The following CCSER1 variants were observed in gnomAD, a reference collection of about 807,000 sequenced individuals.
The protein encoded by CCSER1 is coiled-coil serine rich protein 1.
A neutral mutation model predicts 82.0 loss-of-function variants in CCSER1; 41 were observed. That is an observed-to-expected ratio of 0.50 (90% CI 0.39 to 0.65). The LOEUF is 0.65. Ranked by LOEUF, CCSER1 falls within the 30% of genes least tolerant of loss-of-function variation. The pLI, the probability that CCSER1 is intolerant of heterozygous loss-of-function variation, is 0.00. For missense variants in CCSER1, 1,119 were observed against 1,064.2 expected (o/e 1.05, Z -0.72); for synonymous variants, 414 against 383.9 (o/e 1.08, Z -0.92).
chr4:90,294,844 A>C (rs1731571205), intron 1 of CCSER1, among the ~76,000 whole-genome samples: 1 of 151,972 alleles, frequency 6.6e-6, no homozygotes, highest in Non-Finnish European at 1.5e-5. Flanking sequence ...TACATCCTTC[A>C]AGATTTTTTT....
chr4:90,594,953 G>T (rs776423240), intron 5 of CCSER1, among the ~76,000 whole-genome samples: 5 of 151,812 alleles, frequency 3.3e-5, no homozygotes, highest in Admixed American at 6.6e-5. Context: ...TTTATAAAGT[G>T]CTTATTATAT....
At chr4:90,341,297 A>G (rs901910321) in intron 3 of CCSER1, among the ~76,000 whole-genome samples, 5 of 152,058 alleles carry the variant, frequency 3.3e-5, no homozygotes, top group African/African-American at 1.2e-4. Flanking sequence ...GAGTTTTATT[A>G]TCTTCTTCCT....
chr4:90,221,310 A>T (rs192667866), intron 1 of CCSER1, among the ~76,000 whole-genome samples: 1 of 152,302 alleles, frequency 6.6e-6, no homozygotes, highest in African/African-American at 2.4e-5. Flanking sequence ...AGTATATGAC[A>T]GTTATATATT....
At chr4:91,535,082 A>G (rs993052904) in intron 10 of CCSER1, among the ~76,000 whole-genome samples, 1 of 151,966 alleles carries the variant, frequency 6.6e-6, no homozygotes, top group Non-Finnish European at 1.5e-5. Context: ...AACAATAAAT[A>G]TTTCATAAAA....
chr4:90,635,586 C>T (rs1015501820), intron 6 of CCSER1, among the ~76,000 whole-genome samples: 6 of 151,634 alleles, frequency 4.0e-5, no homozygotes, highest in African/African-American at 1.5e-4. Flanking sequence ...AAATTTGTGA[C>T]TTTAAATGTT....
At chr4:90,387,855 C>T (rs1484700132) in intron 3 of CCSER1, among the ~76,000 whole-genome samples, 1 of 152,136 alleles carries the variant, frequency 6.6e-6, no homozygotes, top group Non-Finnish European at 1.5e-5. Flanking sequence ...TGTACCCTAC[C>T]TCCATAATAA....
chr4:90,727,481 C>T (rs1203171246), intron 7 of CCSER1, among the ~76,000 whole-genome samples: 1 of 152,144 alleles, frequency 6.6e-6, no homozygotes, highest in Non-Finnish European at 1.5e-5. Flanking sequence ...CTATCCTTTT[C>T]TATCTTTTCC....
rs576130786 is a variant in CCSER1 at position 91,245,823 on chromosome 4, AG to A, written c.2217+159830del. On this transcript the variant is annotated intron_variant, in intron 10 of 10. Transcript: ENST00000509176. ...ACGATTCTCCTGCCTCAGCCTCCTG[AG>A]TAGCTGGGATTACAGGCATGTGCCA... 1.8e-3 allele frequency among the ~76,000 whole-genome samples: 270 copies of A among 152,200 alleles called. 1 individual carries two copies. The highest frequency in any genetic ancestry group is 0.017 in the Admixed American group (257 of 15,296).
intron 10 of CCSER1, among the ~76,000 whole-genome samples, chr4:91,421,897 A>G (rs1753702958): frequency 6.6e-6 from 1 of 152,120 alleles, no homozygotes; most frequent in Non-Finnish European, 1.5e-5. Context: ...AAAGGGCTTT[A>G]TATTTCAGCT....
At chr4:91,186,091 C>T (rs750156024) in intron 10 of CCSER1, among the ~76,000 whole-genome samples, 26 of 152,032 alleles carry the variant, frequency 1.7e-4, no homozygotes, top group Admixed American at 1.2e-3. Context: ...GAACTAAGAG[C>T]GATCGCTCGA....
intron 10 of CCSER1, among the ~76,000 whole-genome samples, chr4:91,283,677 G>A (rs2149206450): frequency 6.6e-6 from 1 of 151,936 alleles, no homozygotes; most frequent in African/African-American, 2.4e-5. Context: ...GAACTCATAG[G>A]ACTTATTTGA....
chr4:90,600,087 A>G (rs539190968), intron 5 of CCSER1, among the ~76,000 whole-genome samples: 1 of 152,312 alleles, frequency 6.6e-6, no homozygotes, highest in African/African-American at 2.4e-5. Flanking sequence ...TATTGTATAG[A>G]TAACACACAC....
At chr4:90,965,076 C>G (rs1018525413) in intron 9 of CCSER1, among the ~76,000 whole-genome samples, 9 of 152,082 alleles carry the variant, frequency 5.9e-5, no homozygotes, top group Admixed American at 5.9e-4. Flanking sequence ...CTCCCTAGAA[C>G]AGGGCCATTT....
chr4:90,590,244 A>G (rs972889855), intron 5 of CCSER1, among the ~76,000 whole-genome samples: 2 of 152,150 alleles, frequency 1.3e-5, no homozygotes, highest in Admixed American at 1.3e-4. Context: ...ACTGCACTCC[A>G]GTCTGGGAGC....
intron 1 of CCSER1, among the ~76,000 whole-genome samples, chr4:90,173,339 C>CA (rs147612029): frequency 0.29 from 41,805 of 145,262 alleles, 7,246 homozygotes; most frequent in East Asian, 0.64. Flanking sequence ...TGTTTTTTTT[C>CA]AAAAAAAAAA....
intron 10 of CCSER1, among the ~76,000 whole-genome samples, chr4:91,141,858 T>C (rs905779833): frequency 1.3e-5 from 2 of 152,172 alleles, no homozygotes; most frequent in African/African-American, 4.8e-5. Context: ...TGATTTGCAT[T>C]TATTTGATTA....
chr4:90,824,180 C>T (rs1226756771), intron 8 of CCSER1, among the ~76,000 whole-genome samples: 1 of 151,918 alleles, frequency 6.6e-6, no homozygotes, highest in Admixed American at 6.5e-5. Flanking sequence ...ATTCAACCTA[C>T]TGTGTTCTCA....
Position 90,814,160 on chromosome 4 carries a change from T to G in CCSER1, c.2011-1602T>G, listed in dbSNP as rs140864833. ...TCTGAAGAAAGACCTGGGCTGTACG[T>G]TGGCCCCTATTAGCCATGACTGGAG... is the stretch of plus-strand genomic sequence containing the variant. On this transcript the variant is annotated intron_variant, in intron 7 of 10. Transcript: ENST00000509176. 1.6e-3 allele frequency among the ~76,000 whole-genome samples: 244 copies of G among 152,304 alleles called. 7 individuals carry two copies. The East Asian group carries it at 0.044, about 28-fold the overall frequency.
At chr4:91,406,243 C>A (rs377726040) in intron 10 of CCSER1, among the ~76,000 whole-genome samples, 2 of 152,214 alleles carry the variant, frequency 1.3e-5, no homozygotes, top group East Asian at 1.9e-4. Context: ...GACTTCTAAG[C>A]AATTCATGCT....
Sources: allele counts gnomAD v4.1 joint callset (sites outside exome capture counted in the v4.1 genomes callset), GRCh38; gene constraint gnomAD v4.1.1; transcripts MANE v1.5; gene names NCBI Gene and HGNC (gene_info 2026-07-23, HGNC 2026-07-21).